The following CDH18 variants were observed in gnomAD, a reference collection of about 807,000 sequenced individuals.
CDH18 encodes the protein cadherin-18.
In CDH18, 31 loss-of-function variants were observed where a neutral mutation model predicts 67.9. That is an observed-to-expected ratio of 0.46 (90% CI 0.34 to 0.62). CDH18 has a LOEUF of 0.62. Ranked by LOEUF, CDH18 falls within the 20% of genes least tolerant of loss-of-function variation. The probability of loss-of-function intolerance (pLI) is 0.01; values close to 1 mark genes in which losing one functional copy is unlikely to be tolerated. For synonymous variants in CDH18, 362 were observed against 347.2 expected (o/e 1.04, Z -0.48); for missense variants, 890 against 975.5 (o/e 0.91, Z 1.17).
chr5:19,990,392 T>C (rs1306731589), upstream of CDH18, among the ~76,000 whole-genome samples: 2 of 152,108 alleles, frequency 1.3e-5, no homozygotes, highest in Non-Finnish European at 2.9e-5. Context: ...ACAAAACCTG[T>C]TTTTGCTGGC....
intron 1 of CDH18, among the ~76,000 whole-genome samples, chr5:20,282,050 T>G (rs1409991761): frequency 6.6e-6 from 1 of 152,182 alleles, no homozygotes; most frequent in Non-Finnish European, 1.5e-5. Flanking sequence ...TTGTGATTTT[T>G]GCACATTGAT....
chr5:20,325,071 G>A (rs6884961), intron 1 of CDH18, among the ~76,000 whole-genome samples: 123,702 of 152,178 alleles, frequency 0.81, 50,570 homozygotes, highest in African/African-American at 0.9. Context: ...CACCTAACCC[G>A]TGGTATTTAA....
intron 6 of CDH18, among the ~76,000 whole-genome samples, chr5:19,602,124 A>G (rs1747239214): frequency 6.6e-6 from 1 of 152,192 alleles, no homozygotes; most frequent in Non-Finnish European, 1.5e-5. Context: ...AAAAGAAATT[A>G]AAAGCATCCA....
chr5:20,185,583 ATTC>A, intron 2 of CDH18, among the ~76,000 whole-genome samples: 1 of 152,082 alleles, frequency 6.6e-6, no homozygotes, highest in Middle Eastern at 3.4e-3. Flanking sequence ...ACATAGCCAA[ATTC>A]TTCTCTGAGG....
At chr5:19,982,380 C>T (rs1799144034) in intron 1 of CDH18, among the ~76,000 whole-genome samples, 1 of 151,682 alleles carries the variant, frequency 6.6e-6, no homozygotes, top group Non-Finnish European at 1.5e-5. Context: ...ACAGAAAAAT[C>T]TAGAAAACTC....
intron 2 of CDH18, among the ~76,000 whole-genome samples, chr5:20,030,751 C>T (rs977214680): frequency 2.6e-5 from 4 of 152,036 alleles, no homozygotes; most frequent in South Asian, 2.1e-4. Flanking sequence ...TTAGGAATTA[C>T]GAGTTAGGCC....
chr5:20,179,582 T>C (rs968040625), intron 2 of CDH18, among the ~76,000 whole-genome samples: 1 of 152,140 alleles, frequency 6.6e-6, no homozygotes, highest in Non-Finnish European at 1.5e-5. Flanking sequence ...GGGACTGATA[T>C]AGAAGTTATT....
intron 1 of CDH18, among the ~76,000 whole-genome samples, chr5:20,324,353 CA>C (rs1201258129): frequency 6.6e-6 from 1 of 152,108 alleles, no homozygotes; most frequent in Non-Finnish European, 1.5e-5. Context: ...TCCTGGCTAA[CA>C]TGGTGAAACC....
At chr5:20,204,524 A>C (rs1429312617) in intron 2 of CDH18, among the ~76,000 whole-genome samples, 1 of 152,068 alleles carries the variant, frequency 6.6e-6, no homozygotes, top group Non-Finnish European at 1.5e-5. Flanking sequence ...AGAAAAATAC[A>C]CTAATGTGCA....
chr5:20,230,639 T>TTCA (rs59175546), intron 2 of CDH18, among the ~76,000 whole-genome samples: 76,774 of 150,884 alleles, frequency 0.51, 19,873 homozygotes, highest in Middle Eastern at 0.65. Context: ...AGTATAGACT[T>TTCA]TCATCATCAT....
intron 3 of CDH18, among the ~76,000 whole-genome samples, chr5:19,797,219 T>C (rs1225719001): frequency 6.6e-6 from 1 of 151,946 alleles, no homozygotes; most frequent in East Asian, 1.9e-4. Flanking sequence ...TAAATTTTTT[T>C]TTATAAAAGT....
intron 10 of CDH18, among the ~76,000 whole-genome samples, chr5:19,506,381 C>A (rs1744162373): frequency 6.6e-6 from 1 of 152,138 alleles, no homozygotes; most frequent in Non-Finnish European, 1.5e-5. Context: ...CTACCAATGA[C>A]TTTCTTCACA....
chr5:19,609,086 A>G (rs1748544287), intron 6 of CDH18, among the ~76,000 whole-genome samples: 1 of 151,960 alleles, frequency 6.6e-6, no homozygotes, highest in Non-Finnish European at 1.5e-5. Context: ...ATAACCCAGA[A>G]TAAAGTTTTT....
intron 5 of CDH18, among the ~76,000 whole-genome samples, chr5:19,648,581 T>A (rs927579036): frequency 6.6e-5 from 10 of 151,096 alleles, no homozygotes; most frequent in African/African-American, 2.4e-4. Context: ...ATTAATTCTA[T>A]CTCTTTTTTT....
At chr5:19,740,542 TAC>T (rs1189096288) in intron 4 of CDH18, among the ~76,000 whole-genome samples, 1 of 152,148 alleles carries the variant, frequency 6.6e-6, no homozygotes, top group African/African-American at 2.4e-5. Context: ...AGAGATACGA[TAC>T]ACACAATTAA....
chr5:20,499,207 T>C (rs1007472396), intron 1 of CDH18, among the ~76,000 whole-genome samples: 5 of 152,038 alleles, frequency 3.3e-5, no homozygotes. Context: ...CCACAGATGC[T>C]CAAGTCCATG....
At chr5:19,944,521 G>T (rs1371924893) in intron 2 of CDH18, among the ~76,000 whole-genome samples, 3 of 152,102 alleles carry the variant, frequency 2.0e-5, no homozygotes, top group Non-Finnish European at 4.4e-5. Context: ...CTTCAATATT[G>T]CACATGCCTG....
intron 4 of CDH18, among the ~76,000 whole-genome samples, chr5:19,744,035 C>A (rs925181339): frequency 6.6e-6 from 1 of 151,136 alleles, no homozygotes; most frequent in African/African-American, 2.4e-5. Context: ...ATCCTCTATG[C>A]ATTCATGTTA....
chr5:20,380,170 G>A (rs1178017001), intron 1 of CDH18, among the ~76,000 whole-genome samples: 4 of 152,224 alleles, frequency 2.6e-5, no homozygotes, highest in Non-Finnish European at 4.4e-5. Context: ...ATAGCATTTT[G>A]ATGGATGGGT....
Sources: allele counts gnomAD v4.1 joint callset (sites outside exome capture counted in the v4.1 genomes callset), GRCh38; gene constraint gnomAD v4.1.1; transcripts MANE v1.5; gene names NCBI Gene and HGNC (gene_info 2026-07-23, HGNC 2026-07-21).